AP4E1: variants seen among roughly 807,000 people sequenced by gnomAD.
AP4E1 encodes AP-4 complex subunit epsilon-1.
AP4E1 carries 56 observed loss-of-function variants against 128.2 expected under a neutral mutation model. The ratio of observed to expected loss-of-function variants is 0.44; its 90% CI spans 0.35 to 0.55. The LOEUF (loss-of-function observed/expected upper bound fraction) is 0.55. Among genes scored for constraint, AP4E1 ranks in the 20% least tolerant of loss-of-function variants. The probability of loss-of-function intolerance (pLI) is 0.00; values close to 1 mark genes in which losing one functional copy is unlikely to be tolerated. For synonymous variants in AP4E1, 484 were observed against 473.1 expected (o/e 1.02, Z -0.30); for missense variants, 1,324 against 1,307.7 (o/e 1.01, Z -0.19).
At position 50,908,778 on chromosome 15, in the gene AP4E1, G is replaced by T. The variant is rs750308874; in HGVS notation, c.-1G>T. On this transcript the variant is annotated 5_prime_UTR_variant, in exon 1 of 21. Transcript: ENST00000261842. ...CGGCGGCATCGCGGGCGGCGGCGGCGATGAGCGACATAGTGGAGAAGACGC... is the reference window on the plus strand; with the variant it reads ...CGGCGGCATCGCGGGCGGCGGCGGCTATGAGCGACATAGTGGAGAAGACGC... The T allele has an allele frequency of 2.6e-6, 4 of 1,540,296 alleles. No homozygotes were observed. The highest frequency in any genetic ancestry group is 2.9e-5 in the African/African-American group (2 of 69,910).
chr15:50,951,072 C>T (rs1357184418), intron 13 of AP4E1, among the ~76,000 whole-genome samples: 1 of 152,094 alleles, frequency 6.6e-6, no homozygotes, highest in Non-Finnish European at 1.5e-5. Context: ...AACAATGTTA[C>T]CACAAACTTA....
At chr15:50,975,954 G>A (rs1208374853) in intron 15 of AP4E1, among the ~76,000 whole-genome samples, 3 of 125,600 alleles carry the variant, frequency 2.4e-5, no homozygotes, top group Non-Finnish European at 3.7e-5. Context: ...CTACAAAAGG[G>A]ACAGAGAGAG....
At chr15:50,975,282 G>T (rs2064536557) in intron 15 of AP4E1, among the ~76,000 whole-genome samples, 2 of 152,176 alleles carry the variant, frequency 1.3e-5, no homozygotes, top group Non-Finnish European at 2.9e-5. Flanking sequence ...GTGCATGCTT[G>T]TAATGCCAGC....
rs1378569107 is a variant in AP4E1, at chr15:50,945,772, A to C, written c.1177-2248A>C. 5 of 763,658 alleles carry C rather than the reference A, an allele frequency of 6.5e-6. No homozygotes were observed. The East Asian group carries it at 1.2e-4, about 19-fold the overall frequency. The allele number at this position is 763,658 out of a possible 1,614,324, so 47.3% of individuals were successfully genotyped here. On this transcript the variant is annotated intron_variant, in intron 10 of 20. Coordinates refer to ENST00000261842, the MANE Select transcript of AP4E1 (RefSeq NM_007347.5). ...GCTTACATCATGAGAAAAAGCAGCT[A>C]AGGATTATAACTAGAAATTGAAGGA...
chr15:50,955,224 A>G (rs961523401), intron 13 of AP4E1, among the ~76,000 whole-genome samples: 1 of 152,212 alleles, frequency 6.6e-6, no homozygotes, highest in Non-Finnish European at 1.5e-5. Context: ...ATCAAATGGT[A>G]TTTCTAGTTC....
intron 16 of AP4E1, among the ~76,000 whole-genome samples, chr15:50,992,470 T>C (rs972056169): frequency 1.3e-5 from 2 of 152,186 alleles, no homozygotes; most frequent in African/African-American, 4.8e-5. Context: ...ATAGCTCTTA[T>C]ATGAGAATAA....
In AP4E1 at chr15:50,999,278, A is replaced by G. The variant is rs1230058846; in HGVS notation, c.3095+16A>G. 3 of 1,599,766 alleles carry G rather than the reference A, an allele frequency of 1.9e-6. No homozygotes were observed. Among genetic ancestry groups the G allele is most frequent in the Non-Finnish European group, 2.6e-6 (3 of 1,171,012 alleles). ...ATTTCATTAGGTAAATGTTTTGTGA[A>G]ATGTTAATTCAAGTTGTTAATTCAC... On this transcript the variant is annotated intron_variant, in intron 19 of 20. Transcript: ENST00000261842.
At chr15:51,000,892 G>A (rs189256576) in intron 19 of AP4E1, 134 bp from the exon 20 acceptor site, 17 of 686,494 alleles carry the variant, frequency 2.5e-5, no homozygotes, top group Non-Finnish European at 4.2e-5. Context: ...TAGCATATTT[G>A]GTTTAAAGAC....
chr15:50,941,360 G>A, intron 8 of AP4E1, 82 bp from the exon 9 acceptor site: 2 of 1,495,958 alleles, frequency 1.3e-6, no homozygotes, highest in Non-Finnish European at 1.8e-6. Context: ...TTTCCAATTA[G>A]TTTTATTACA....
intron 16 of AP4E1, among the ~76,000 whole-genome samples, chr15:50,984,799 T>A (rs1167740403): frequency 6.6e-6 from 1 of 152,194 alleles, no homozygotes; most frequent in Non-Finnish European, 1.5e-5. Flanking sequence ...GCAGCATGAT[T>A]TATACTCCTT....
At chr15:50,997,997 A>C in intron 18 of AP4E1, 114 bp downstream of exon 18, 26 of 782,844 alleles carry the variant, frequency 3.3e-5, no homozygotes, top group Non-Finnish European at 4.4e-5. Flanking sequence ...CGAAATTCTC[A>C]AATTATTTAG....
Position 50,997,358 on chromosome 15 carries a change from C to A in AP4E1, c.2379C>A (p.Phe793Leu). 6.2e-7 allele frequency: 1 copy of A among 1,602,748 alleles called. No individual in the cohort carries two copies. The highest frequency in any genetic ancestry group is 1.1e-5 in the South Asian group (1 of 88,016). ...AAGCAGATACTGTCTCTCACAAGTT[C>A]AGAAGGAAATCAAAAGTCAAAGAAG... Reference protein sequence around the residue: ...LGKADTVSHKFRRKSKVKEAK... With the variant: ...LGKADTVSHKLRRKSKVKEAK... The change falls in exon 18 of 21, where the codon TTC (phenylalanine) becomes TTA (leucine). Residue 793 changes from phenylalanine (F) to leucine (L), a missense_variant. Coordinates refer to ENST00000261842, the MANE Select transcript of AP4E1 (RefSeq NM_007347.5).
At chr15:50,922,899 T>C (rs993999855) in intron 3 of AP4E1, among the ~76,000 whole-genome samples, 9 of 151,840 alleles carry the variant, frequency 5.9e-5, no homozygotes, top group Admixed American at 3.3e-4. Context: ...TGCCTCAGCC[T>C]CCCGAGTAGC....
At chr15:50,920,036 C>T (rs559961355) in intron 3 of AP4E1, among the ~76,000 whole-genome samples, 2 of 146,258 alleles carry the variant, frequency 1.4e-5, no homozygotes, top group African/African-American at 5.1e-5. Context: ...GAGATTGTGC[C>T]ACTGCACTCC....
intron 17 of AP4E1, among the ~76,000 whole-genome samples, chr15:50,995,465 T>C (rs772907423): frequency 9.3e-5 from 14 of 151,322 alleles, no homozygotes; most frequent in Non-Finnish European, 1.8e-4. Flanking sequence ...TGGCATGATA[T>C]TGGCTCACTG....
chr15:50,962,448 G>A (rs760638241), intron 14 of AP4E1, among the ~76,000 whole-genome samples: 14 of 151,746 alleles, frequency 9.2e-5, no homozygotes, highest in African/African-American at 2.2e-4. Flanking sequence ...CAGAAAAACC[G>A]TGTATTTACG....
chr15:50,950,007 G>T (rs1251583836), intron 12 of AP4E1, 44 bp from the exon 13 acceptor site: 1 of 1,591,928 alleles, frequency 6.3e-7, no homozygotes, highest in African/African-American at 1.3e-5. Context: ...AGAGTCCTAA[G>T]ATAAGTTTGT....
At chr15:50,994,692 T>C (rs528755575) in intron 17 of AP4E1, among the ~76,000 whole-genome samples, 28 of 152,204 alleles carry the variant, frequency 1.8e-4, no homozygotes, top group African/African-American at 6.8e-4. Flanking sequence ...ACCAGTGGAA[T>C]GCTTGGTAAG....
At chr15:50,948,840 C>G (rs182369927) in intron 11 of AP4E1, among the ~76,000 whole-genome samples, 1 of 151,404 alleles carries the variant, frequency 6.6e-6, no homozygotes, top group Admixed American at 6.6e-5. Context: ...GGCATGGTGG[C>G]GCATGCCTGT....
Sources: allele counts gnomAD v4.1 joint callset (sites outside exome capture counted in the v4.1 genomes callset), GRCh38; gene constraint gnomAD v4.1.1; transcripts MANE v1.5; gene names NCBI Gene and HGNC (gene_info 2026-07-23, HGNC 2026-07-21).